The following MALT1 variants were observed in gnomAD, a reference collection of about 807,000 sequenced individuals.
MALT1 encodes the protein mucosa-associated lymphoid tissue lymphoma translocation protein 1.
MALT1 carries 36 observed loss-of-function variants against 85.5 expected under a neutral mutation model. The ratio of observed to expected loss-of-function variants is 0.42; its 90% CI spans 0.32 to 0.56. The LOEUF (loss-of-function observed/expected upper bound fraction) is 0.56. MALT1 is among the 20% of genes least tolerant of loss of function. The probability of loss-of-function intolerance (pLI) is 0.10; values close to 1 mark genes in which losing one functional copy is unlikely to be tolerated. For missense variants in MALT1, 716 were observed against 981.6 expected (o/e 0.73, Z 3.62); for synonymous variants, 359 against 361.3 (o/e 0.99, Z 0.07).
intron 13 of MALT1, among the ~76,000 whole-genome samples, chr18:58,736,706 T>C (rs2055226287): frequency 6.6e-6 from 1 of 152,236 alleles, no homozygotes; most frequent in Non-Finnish European, 1.5e-5. Context: ...GTTTTGCTTT[T>C]CGCTGATCTT....
In MALT1 at chr18:58,723,073, A is replaced by G; in HGVS notation, c.1044A>G (p.Ile348Met). ...PLAKDKVALL[I>M]GNMNYREHPK... The stretch of plus-strand genomic sequence containing the variant: ...CGAAGGACAAGGTTGCCCTTTTGAT[A>G]GGAAATATGAATTACCGGGAGCACC... Residue 348 changes from isoleucine (I) to methionine (M), a missense_variant, in exon 10 of 17, where the codon ATA becomes ATG. This residue lies in a region of MALT1 where 290 missense variants were observed against 380.5 expected (regional missense o/e 0.76). Transcript: ENST00000649217. The G allele has an allele frequency of 6.2e-7, 1 of 1,613,816 alleles. No homozygotes were observed. The highest frequency in any genetic ancestry group is 1.1e-5 in the South Asian group (1 of 91,056).
intron 13 of MALT1, among the ~76,000 whole-genome samples, chr18:58,740,064 A>G (rs867277638): frequency 6.6e-6 from 1 of 152,086 alleles, no homozygotes; most frequent in African/African-American, 2.4e-5. Flanking sequence ...TAGGCTTTTC[A>G]TTTCTTGAGT....
chr18:58,708,814 A>G (rs565305473), intron 4 of MALT1, among the ~76,000 whole-genome samples: 1 of 152,352 alleles, frequency 6.6e-6, no homozygotes, highest in African/African-American at 2.4e-5. Context: ...GACTTGTTGC[A>G]TAAAATTGAC....
In MALT1 at chr18:58,748,996, C is replaced by CACAAAAATCATTAACA. The variant is rs2055411271; in HGVS notation, c.*1156_*1171dup. Reference sequence around the variant, plus strand: ...AGCCAATATTCCTTATTAATACAAACACAAAAATCATTAACAAAAATATTA... The same window carrying CACAAAAATCATTAACA: ...AGCCAATATTCCTTATTAATACAAACACAAAAATCATTAACAACAAAAATCATTAACAAAAATATTA... On this transcript the variant is annotated 3_prime_UTR_variant, in exon 17 of 17. Coordinates refer to ENST00000649217, the MANE Select transcript of MALT1 (RefSeq NM_006785.4). 1 of 208,924 alleles carries CACAAAAATCATTAACA rather than the reference C, an allele frequency of 4.8e-6. No individual in the cohort carries two copies. Among genetic ancestry groups the CACAAAAATCATTAACA allele is most frequent in the African/African-American group, 2.3e-5 (1 of 44,006 alleles). 12.9% of individuals were successfully genotyped at this position (208,924 alleles called of 1,614,324 possible). A position where few individuals can be genotyped will look rare whatever the true frequency, so the allele number is the denominator to read the frequency against.
intron 13 of MALT1, among the ~76,000 whole-genome samples, chr18:58,735,740 G>A (rs972668324): frequency 1.1e-4 from 17 of 152,102 alleles, no homozygotes; most frequent in African/African-American, 1.4e-4. Context: ...ATGGGAGAGA[G>A]AAAACTTTAC....
At chr18:58,741,446 CTT>C (rs917010448) in intron 13 of MALT1, 1 of 151,868 alleles carries the variant, frequency 6.6e-6, no homozygotes, top group Admixed American at 6.6e-5. Context: ...AATTTTGTCT[CTT>C]TTTTTAAAAA....
rs1180203453 is a variant in MALT1, at chr18:58,700,415, C to G, written c.499-26C>G. The G allele has an allele frequency of 3.8e-6, 6 of 1,563,752 alleles. No individual in the cohort carries two copies. In the South Asian group the frequency reaches 4.8e-5, roughly 13 times the overall value. On this transcript the variant is annotated intron_variant, in intron 3 of 16. Transcript: ENST00000649217. ...TAAGGTGTGTTTTTGATGAGTCATC[C>G]ACTTCTCTTATTGATTCTTTCACAG...
intron 13 of MALT1, 58 bp from the exon 14 acceptor site, chr18:58,741,807 T>A: frequency 9.3e-7 from 1 of 1,078,482 alleles, no homozygotes; most frequent in Non-Finnish European, 1.3e-6. Context: ...TTAGCCTAAA[T>A]ATTTAAAACA....
chr18:58,743,300 T>C (rs554307252), intron 14 of MALT1, among the ~76,000 whole-genome samples: 2 of 152,216 alleles, frequency 1.3e-5, no homozygotes, highest in African/African-American at 4.8e-5. Context: ...CACTTGAACC[T>C]GGGAGTCGGA....
At chr18:58,732,268 CT>C (rs2055161142) in intron 10 of MALT1, among the ~76,000 whole-genome samples, 1 of 152,084 alleles carries the variant, frequency 6.6e-6, no homozygotes, top group African/African-American at 2.4e-5. Context: ...TTGTCCAGTA[CT>C]TTTATGAAGA....
At chr18:58,698,059 T>TG (rs2054617308) in intron 3 of MALT1, among the ~76,000 whole-genome samples, 1 of 116,162 alleles carries the variant, frequency 8.6e-6, no homozygotes, top group Non-Finnish European at 1.7e-5. Flanking sequence ...TTGTTGTTGT[T>TG]TTGTTTTGTT....
chr18:58,735,428 A>G, intron 13 of MALT1, 99 bp downstream of exon 13: 2 of 1,334,538 alleles, frequency 1.5e-6, no homozygotes, highest in Non-Finnish European at 2.0e-6. Flanking sequence ...TATTCTTATT[A>G]TGTGGGTTTG....
chr18:58,681,475 T>C (rs982562415), intron 2 of MALT1, 139 bp downstream of exon 2: 40 of 709,498 alleles, frequency 5.6e-5, no homozygotes, highest in Non-Finnish European at 8.3e-5. Context: ...TTTCCCAGGT[T>C]GAAGCAAATG....
chr18:58,685,764 C>G (rs2054392362), intron 2 of MALT1, among the ~76,000 whole-genome samples: 1 of 152,124 alleles, frequency 6.6e-6, no homozygotes, highest in Non-Finnish European at 1.5e-5. Context: ...GAAATCGCTT[C>G]TAGTTTTTAT....
intron 2 of MALT1, chr18:58,690,337 CCAGATCAGTATGGTGTTGG>C (rs1257209085): frequency 1.3e-5 from 2 of 152,354 alleles, no homozygotes; most frequent in African/African-American, 2.4e-5. Flanking sequence ...GGTCTTAAGA[CCAGATCAGTATGGTGTTGG>C]CAGATCAGTA....
intron 10 of MALT1, among the ~76,000 whole-genome samples, chr18:58,724,168 T>G (rs2055022262): frequency 6.6e-6 from 1 of 152,254 alleles, no homozygotes; most frequent in South Asian, 2.1e-4. Context: ...TAGATTGATA[T>G]GATAAGGCAA....
intron 14 of MALT1, 67 bp from the exon 15 acceptor site, chr18:58,744,268 TCTC>T: frequency 1.0e-6 from 1 of 996,044 alleles, no homozygotes; most frequent in Non-Finnish European, 1.5e-6. Context: ...CTAACTATAT[TCTC>T]CTCCATAAAT....
intron 4 of MALT1, among the ~76,000 whole-genome samples, chr18:58,708,013 A>T (rs1602308516): frequency 6.6e-6 from 1 of 151,696 alleles, no homozygotes; most frequent in South Asian, 2.1e-4. Flanking sequence ...TTGTTCACCA[A>T]CCCCACCCTT....
chr18:58,735,208 A>AG lies in MALT1; in HGVS notation c.1484dup (p.Ala496SerfsTer5). 1 of 1,605,890 alleles carries AG rather than the reference A, an allele frequency of 6.2e-7. No individual in the cohort carries two copies. The highest frequency in any genetic ancestry group is 8.5e-7 in the Non-Finnish European group (1 of 1,178,574). ...TTCTTTTTCTATTTTTAAGGTGTCA[A>AG]GGAGCAGAAGCTTTTGAAATCCAGC... is the stretch of plus-strand genomic sequence containing the variant. On this transcript the variant is annotated frameshift_variant, in exon 13 of 17. Transcript: ENST00000649217. LOFTEE classifies it high-confidence loss of function.
Sources: allele counts gnomAD v4.1 joint callset (sites outside exome capture counted in the v4.1 genomes callset), GRCh38; gene constraint gnomAD v4.1.1; regional missense constraint gnomAD v4.1.1; transcripts MANE v1.5; gene names NCBI Gene and HGNC (gene_info 2026-07-23, HGNC 2026-07-21).